The following ZFAT variants were observed in gnomAD, a reference collection of about 807,000 sequenced individuals.
The protein encoded by ZFAT is zinc finger and AT-hook domain containing.
Under a neutral mutation model 117.7 loss-of-function variants are expected in ZFAT, and 64 were observed. The ratio of observed to expected loss-of-function variants is 0.54; its 90% CI spans 0.44 to 0.67. ZFAT has a LOEUF of 0.67. Among genes scored for constraint, ZFAT ranks in the 30% least tolerant of loss-of-function variants. The pLI is 0.00. For missense variants in ZFAT, 1,433 were observed against 1,584.5 expected, an observed-to-expected ratio of 0.90 and a Z score of 1.62; for synonymous variants, 679 against 615.0, an observed-to-expected ratio of 1.10 and a Z score of -1.54.
intron 10 of ZFAT, among the ~76,000 whole-genome samples, chr8:134,574,884 T>C (rs1040373356): frequency 3.3e-5 from 5 of 152,162 alleles, no homozygotes; most frequent in East Asian, 3.9e-4. Context: ...TTTTAGAAAA[T>C]TGACTTTACC....
the ZFAT span, among the ~76,000 whole-genome samples, chr8:134,821,032 G>A: frequency 6.6e-6 from 1 of 152,184 alleles, no homozygotes; most frequent in Non-Finnish European, 1.5e-5. Context: ...AGTTCTACAT[G>A]TGCCAATTCT....
At chr8:134,562,512 T>C (rs998322202) in intron 11 of ZFAT, among the ~76,000 whole-genome samples, 1 of 152,234 alleles carries the variant, frequency 6.6e-6, no homozygotes, top group Non-Finnish European at 1.5e-5. Context: ...TGAGAAACAC[T>C]ACCTAAATTG....
At chr8:134,596,342 C>A (rs1371066113) in intron 7 of ZFAT, among the ~76,000 whole-genome samples, 1 of 152,248 alleles carries the variant, frequency 6.6e-6, no homozygotes, top group Non-Finnish European at 1.5e-5. Flanking sequence ...AGCCAGAACC[C>A]TGTCCTGTAA....
intron 15 of ZFAT, among the ~76,000 whole-genome samples, chr8:134,485,163 A>G (rs1232865316): frequency 2.0e-5 from 3 of 152,116 alleles, no homozygotes. Context: ...TCAGGGGAGG[A>G]TGACAAGCTG....
intron 3 of ZFAT, among the ~76,000 whole-genome samples, chr8:134,615,433 T>C (rs1413856183): frequency 6.6e-6 from 1 of 152,058 alleles, no homozygotes; most frequent in Non-Finnish European, 1.5e-5. Context: ...AAGTGATCCA[T>C]GCACCTCGGC....
At chr8:134,483,966 C>G (rs1220122937) in intron 15 of ZFAT, among the ~76,000 whole-genome samples, 2 of 152,220 alleles carry the variant, frequency 1.3e-5, no homozygotes, top group Non-Finnish European at 2.9e-5. Flanking sequence ...CACTTTCTTC[C>G]TACTCCCCTG....
chr8:134,554,661 G>A (rs1246188362), intron 11 of ZFAT, among the ~76,000 whole-genome samples: 1 of 152,200 alleles, frequency 6.6e-6, no homozygotes, highest in Non-Finnish European at 1.5e-5. Context: ...GGAGAGAGAT[G>A]CCTAATAAAC....
the ZFAT span, among the ~76,000 whole-genome samples, chr8:134,770,858 A>G: frequency 1.4e-4 from 21 of 152,332 alleles, no homozygotes; most frequent in African/African-American, 5.1e-4. Flanking sequence ...CAGTGATGAA[A>G]TAGACTTCAG....
At chr8:134,721,564 C>T in the ZFAT span, among the ~76,000 whole-genome samples, 1 of 152,188 alleles carries the variant, frequency 6.6e-6, no homozygotes, top group African/African-American at 2.4e-5. Context: ...CGCCATTTCT[C>T]AGAGATGCCA....
chr8:134,602,845 T>A lies in ZFAT; in HGVS notation c.874A>T (p.Ile292Phe). 1 of 1,613,778 alleles carries A rather than the reference T, an allele frequency of 6.2e-7. No homozygotes were observed. The highest frequency in any genetic ancestry group is 8.5e-7 in the Non-Finnish European group (1 of 1,179,942). ...TTGTATGGCTTTTCATTGGTGTGGA[T>A]CCTCAGGTGGGCCTGCAGCGAGTGC... The part of the protein sequence containing the change: ...FKHSLQAHLR[I>F]HTNEKPYKCP... The change falls in exon 6 of 16, where the codon ATC becomes TTC. Residue 292 changes from isoleucine to phenylalanine, a missense_variant. Transcript: ENST00000377838.
At chr8:134,738,781 G>C in the ZFAT span, among the ~76,000 whole-genome samples, 1 of 152,166 alleles carries the variant, frequency 6.6e-6, no homozygotes, top group Admixed American at 6.5e-5. Context: ...AGGTAGACAG[G>C]ACAGCATGTG....
At chr8:134,506,135 G>A (rs2130325573) in intron 15 of ZFAT, among the ~76,000 whole-genome samples, 1 of 152,292 alleles carries the variant, frequency 6.6e-6, no homozygotes, top group South Asian at 2.1e-4. Flanking sequence ...TTCCTGTGCG[G>A]CTAGCTGTCT....
chr8:134,528,486 T>C (rs948981928), intron 12 of ZFAT, among the ~76,000 whole-genome samples: 1 of 152,226 alleles, frequency 6.6e-6, no homozygotes, highest in Non-Finnish European at 1.5e-5. Context: ...TGCTATGCTA[T>C]TTTCCCTGAA....
In ZFAT at chr8:134,589,504, A is replaced by G. The variant is rs1435052015; in HGVS notation, c.2563+764T>C. Among the ~76,000 whole-genome samples the G allele has an allele frequency of 3.3e-5, 5 of 152,224 alleles. No homozygotes were observed. The East Asian group carries it at 9.6e-4, about 29-fold the overall frequency. On this transcript the variant is annotated intron_variant, in intron 8 of 15. Coordinates refer to ENST00000377838, the MANE Select transcript of ZFAT (RefSeq NM_020863.4). Reference sequence around the variant, plus strand: ...AGAAGTACCTGTTACTCCCTCATAAAACACACAATACACTTGTCTGCTTTC... The same window carrying G: ...AGAAGTACCTGTTACTCCCTCATAAGACACACAATACACTTGTCTGCTTTC...
chr8:134,813,170 C>A, the ZFAT span, among the ~76,000 whole-genome samples: 2 of 152,206 alleles, frequency 1.3e-5, no homozygotes, highest in East Asian at 3.8e-4. Context: ...GTTTCTTGAT[C>A]TGCACAAAAT....
the ZFAT span, among the ~76,000 whole-genome samples, chr8:134,761,899 A>G: frequency 2.0e-5 from 3 of 151,986 alleles, no homozygotes; most frequent in Non-Finnish European, 4.4e-5. Context: ...TTCAAGGTTC[A>G]TATTAGGGCC....
the ZFAT span, among the ~76,000 whole-genome samples, chr8:134,754,155 C>T: frequency 6.6e-6 from 1 of 152,192 alleles, no homozygotes; most frequent in Admixed American, 6.5e-5. Flanking sequence ...CTACACGCTC[C>T]AGGCCAAAGC....
the ZFAT span, among the ~76,000 whole-genome samples, chr8:134,818,712 T>C: frequency 2.6e-5 from 4 of 152,174 alleles, no homozygotes; most frequent in African/African-American, 9.7e-5. Flanking sequence ...TATCAAAAGG[T>C]GAATGGATAC....
chr8:134,509,125 C>T (rs1819627625), intron 15 of ZFAT, among the ~76,000 whole-genome samples: 1 of 152,172 alleles, frequency 6.6e-6, no homozygotes, highest in Non-Finnish European at 1.5e-5. Flanking sequence ...AGTGGAGTAA[C>T]CTTTATTCCA....
Sources: allele counts gnomAD v4.1 joint callset (sites outside exome capture counted in the v4.1 genomes callset), GRCh38; gene constraint gnomAD v4.1.1; transcripts MANE v1.5; gene names NCBI Gene and HGNC (gene_info 2026-07-23, HGNC 2026-07-21).